The following C2orf49 variants were observed in gnomAD, a reference collection of about 807,000 sequenced individuals.
C2orf49 encodes tRNA splicing ligase complex subunit 2.
In C2orf49, 11 loss-of-function variants were observed where a neutral mutation model predicts 20.6. The ratio of observed to expected loss-of-function variants is 0.53; its 90% CI spans 0.34 to 0.88. The LOEUF (loss-of-function observed/expected upper bound fraction) is 0.88, where lower values mean the gene tolerates loss of function less well. Among genes scored for constraint, C2orf49 ranks in the 40% least tolerant of loss-of-function variants. C2orf49 has a pLI of 0.02. For missense variants in C2orf49, 289 were observed against 274.2 expected, an observed-to-expected ratio of 1.05 and a Z score of -0.38; for synonymous variants, 134 against 108.5, an observed-to-expected ratio of 1.24 and a Z score of -1.46.
the C2orf49 span, chr2:105,375,967 G>T: frequency 6.6e-6 from 1 of 152,178 alleles, no homozygotes; most frequent in Non-Finnish European, 1.5e-5. Context: ...TTGAGTTGAT[G>T]TCTACACATG....
the C2orf49 span, among the ~76,000 whole-genome samples, chr2:105,366,629 C>CG: frequency 6.6e-6 from 1 of 152,212 alleles, no homozygotes; most frequent in Non-Finnish European, 1.5e-5. Flanking sequence ...GGGTGCAGGT[C>CG]GGGGGGCAAC....
chr2:105,352,429 G>GTTTTTTTTTTTTTTTTTT (rs61585149), downstream of C2orf49, among the ~76,000 whole-genome samples: 7 of 80,762 alleles, frequency 8.7e-5, no homozygotes, highest in Non-Finnish European at 1.1e-4. Flanking sequence ...GTTTGTTTGG[G>GTTTTTTTTTTTTTTTTTT]TTTTTTTTTT....
the C2orf49 span, among the ~76,000 whole-genome samples, chr2:105,368,628 C>T: frequency 6.6e-6 from 1 of 152,182 alleles, no homozygotes; most frequent in Non-Finnish European, 1.5e-5. Flanking sequence ...CTCTAGAGAA[C>T]TGAAACACTT....
At chr2:105,337,896 T>C (rs1466673638) in intron 1 of C2orf49, among the ~76,000 whole-genome samples, 1 of 152,154 alleles carries the variant, frequency 6.6e-6, no homozygotes, top group Non-Finnish European at 1.5e-5. Context: ...TCAGGAATGC[T>C]TGGGAAATAG....
At chr2:105,341,469 C>T (rs901206625) in intron 2 of C2orf49, among the ~76,000 whole-genome samples, 1 of 152,194 alleles carries the variant, frequency 6.6e-6, no homozygotes, top group Non-Finnish European at 1.5e-5. Flanking sequence ...TGCCCAAGGT[C>T]ACACAGAGCT....
At chr2:105,366,865 T>C in the C2orf49 span, among the ~76,000 whole-genome samples, 1 of 152,198 alleles carries the variant, frequency 6.6e-6, no homozygotes, top group Admixed American at 6.5e-5. Context: ...CCTGCCTCAG[T>C]CTCCTGAGTA....
At position 105,337,692 on chromosome 2, in the gene C2orf49, GCGCGCCGGATCGGAGGGT is replaced by G; in HGVS notation, c.99+7_99+24del. The G allele has an allele frequency of 1.5e-6, 2 of 1,375,992 alleles. No homozygotes were observed. Among genetic ancestry groups the G allele is most frequent in the Non-Finnish European group, 9.8e-7 (1 of 1,016,478 alleles). 85.2% of individuals were successfully genotyped at this position (1,375,992 alleles called of 1,614,324 possible). A position where few individuals can be genotyped will look rare whatever the true frequency, so the allele number is the denominator to read the frequency against. The stretch of plus-strand genomic sequence containing the variant: ...TTCTCCTCACTCTGGAGCAGGTTGG[GCGCGCCGGATCGGAGGGT>G]GGGCGGGTGGGCCTTCCCAGGTGAG... On this transcript the variant is annotated splice_region_variant and intron_variant, in intron 1 of 3. Coordinates refer to ENST00000258457, the MANE Select transcript of C2orf49 (RefSeq NM_024093.3).
chr2:105,352,839 G>C (rs1478155238), downstream of C2orf49, among the ~76,000 whole-genome samples: 1 of 152,160 alleles, frequency 6.6e-6, no homozygotes, highest in African/African-American at 2.4e-5. Context: ...GCAGTATTCT[G>C]TGCACTAGGT....
chr2:105,339,803 A>G lies in C2orf49; in HGVS notation c.266+54A>G. Reference sequence around the variant, plus strand: ...TTATCTTATATAACTAAAGTTATATATAAGTTATTGATTTTTCCTGAGATA... The same window carrying G: ...TTATCTTATATAACTAAAGTTATATGTAAGTTATTGATTTTTCCTGAGATA... On this transcript the variant is annotated intron_variant, in intron 2 of 3. Transcript: ENST00000258457. 7 of 1,415,324 alleles carry G rather than the reference A, an allele frequency of 4.9e-6. No individual in the cohort carries two copies. The South Asian group carries it at 7.6e-5, about 15-fold the overall frequency. 87.7% of individuals were successfully genotyped at this position (1,415,324 alleles called of 1,614,324 possible). A position where few individuals can be genotyped will look rare whatever the true frequency, so the allele number is the denominator to read the frequency against.
chr2:105,373,252 G>A, the C2orf49 span, among the ~76,000 whole-genome samples: 1 of 152,208 alleles, frequency 6.6e-6, no homozygotes, highest in Non-Finnish European at 1.5e-5. Flanking sequence ...TATCTATGGT[G>A]GTGGGAGAGT....
chr2:105,367,351 C>T, the C2orf49 span, among the ~76,000 whole-genome samples: 3 of 152,140 alleles, frequency 2.0e-5, no homozygotes, highest in African/African-American at 4.8e-5. Context: ...CAGGGTTAAA[C>T]GATTTGATCA....
At chr2:105,353,949 GT>G (rs745703953), downstream of C2orf49, among the ~76,000 whole-genome samples, 4 of 152,174 alleles carry the variant, frequency 2.6e-5, no homozygotes, top group Non-Finnish European at 5.9e-5. Context: ...AGGAGTTAGG[GT>G]TTATTTATTG....
downstream of C2orf49, among the ~76,000 whole-genome samples, chr2:105,352,709 G>C (rs1679967123): frequency 6.6e-6 from 1 of 152,178 alleles, no homozygotes; most frequent in Admixed American, 6.5e-5. Flanking sequence ...CTCCCAAAGT[G>C]CTGGGATTAC....
In C2orf49 at chr2:105,347,004, T is replaced by C. The variant is rs1174754099; in HGVS notation, c.*1633T>C. On this transcript the variant is annotated 3_prime_UTR_variant, in exon 4 of 4. Transcript: ENST00000258457. ...TTTTCAATATGTTTTAAAGTAGTCT[T>C]ATTCCTCTTTTGATTTGTTAAACAA... 1.3e-5 allele frequency: 2 copies of C among 152,226 alleles called. No homozygotes were observed. The highest frequency in any genetic ancestry group is 2.9e-5 in the Non-Finnish European group (2 of 68,030). The allele number at this position is 152,226 out of a possible 1,614,324, so 9.4% of individuals were successfully genotyped here.
At chr2:105,365,296 C>G in the C2orf49 span, among the ~76,000 whole-genome samples, 1 of 152,152 alleles carries the variant, frequency 6.6e-6, no homozygotes, top group Non-Finnish European at 1.5e-5. Flanking sequence ...AGTTAAGTGT[C>G]TGCATCTTGT....
chr2:105,379,012 G>A, the C2orf49 span, among the ~76,000 whole-genome samples: 1 of 152,084 alleles, frequency 6.6e-6, no homozygotes, highest in South Asian at 2.1e-4. Flanking sequence ...TATCACTGTG[G>A]GTCAAGCGCC....
At chr2:105,373,221 A>G in the C2orf49 span, among the ~76,000 whole-genome samples, 1 of 152,244 alleles carries the variant, frequency 6.6e-6, no homozygotes, top group African/African-American at 2.4e-5. Context: ...TTCAGCAGGT[A>G]GAAGGGAAGA....
the C2orf49 span, among the ~76,000 whole-genome samples, chr2:105,366,057 A>C: frequency 6.6e-6 from 1 of 151,466 alleles, no homozygotes; most frequent in Non-Finnish European, 1.5e-5. Flanking sequence ...AATACAAAAA[A>C]AACCGGCTGG....
the C2orf49 span, chr2:105,374,506 A>T: frequency 6.6e-6 from 1 of 152,370 alleles, no homozygotes; most frequent in Admixed American, 6.5e-5. Context: ...AAGTGCTCAG[A>T]CTGGGGGACG....
Sources: gnomAD v4.1 joint callset for allele counts (sites outside exome capture counted in the v4.1 genomes callset) on GRCh38, gnomAD v4.1.1 for gene constraint, MANE v1.5 for transcripts, NCBI Gene and HGNC (gene_info 2026-07-23, HGNC 2026-07-21) for gene names.